The following GABRB1 variants were observed in gnomAD, a reference collection of about 807,000 sequenced individuals.
GABRB1 encodes gamma-aminobutyric acid receptor subunit beta-1.
A neutral mutation model predicts 51.6 loss-of-function variants in GABRB1; 17 were observed. The ratio of observed to expected loss-of-function variants is 0.33; its 90% confidence interval spans 0.23 to 0.49. The LOEUF (loss-of-function observed/expected upper bound fraction) is 0.49, where lower values mean the gene tolerates loss of function less well. Among genes scored for constraint, GABRB1 ranks in the 20% least tolerant of loss-of-function variants. The pLI is 0.99. For missense variants in GABRB1, 410 were observed against 600.6 expected, an observed-to-expected ratio of 0.68 and a Z score of 3.32; for synonymous variants, 247 against 218.9, an observed-to-expected ratio of 1.13 and a Z score of -1.14.
At chr4:47,130,166 C>T (rs761595696) in intron 3 of GABRB1, among the ~76,000 whole-genome samples, 3 of 152,128 alleles carry the variant, frequency 2.0e-5, no homozygotes, top group Non-Finnish European at 4.4e-5. Context: ...AAAATGTAAG[C>T]TTGATCATGT....
intron 3 of GABRB1, chr4:47,032,740 G>T (rs1281141359): frequency 1.5e-6 from 1 of 688,074 alleles, no homozygotes; most frequent in East Asian, 2.9e-5. Context: ...TTGCGCCGTG[G>T]ATCTGCTGGG....
chr4:47,038,098 A>T (rs1725675137), intron 3 of GABRB1, among the ~76,000 whole-genome samples: 1 of 151,976 alleles, frequency 6.6e-6, no homozygotes, highest in Non-Finnish European at 1.5e-5. Flanking sequence ...AAGATTTTAG[A>T]CTCCCTCAAA....
rs1269370220 is a variant in GABRB1 at position 47,019,759 on chromosome 4, C to CTGTA, written c.-19-12154_-19-12151dup. ...ACGGGCTCTCACTTTGTTGCCCAGG[C>CTGTA]TGTAGTGCAGATCTCAGCTCACTGT... On this transcript the variant is annotated intron_variant, in intron 1 of 3. Coordinates refer to the GABRB1 transcript ENST00000513567. 4.0e-5 allele frequency among the ~76,000 whole-genome samples: 6 copies of CTGTA among 149,428 alleles called. No individual in the cohort carries two copies. In the Admixed American group the frequency reaches 4.1e-4, roughly 10 times the overall value.
intron 5 of GABRB1, among the ~76,000 whole-genome samples, chr4:47,350,337 A>T (rs1726281871): frequency 6.7e-6 from 1 of 150,262 alleles, no homozygotes; most frequent in African/African-American, 2.4e-5. Context: ...CAAGTAACTT[A>T]AATTTATGTG....
Position 47,262,282 on chromosome 4 carries a change from G to T in GABRB1, c.462-57845G>T, listed in dbSNP as rs186736106. On this transcript the variant is annotated intron_variant, in intron 4 of 8. Transcript: ENST00000295454. Reference sequence around the variant, plus strand: ...ACCTATAAAATGGGAGAAAATTTTCGCAAACTACACATCTGGCAAAGGGCT... The same window carrying T: ...ACCTATAAAATGGGAGAAAATTTTCTCAAACTACACATCTGGCAAAGGGCT... 1.1e-4 allele frequency among the ~76,000 whole-genome samples: 17 copies of T among 152,138 alleles called. No homozygotes were observed. The East Asian group carries it at 3.3e-3, about 29-fold the overall frequency.
intron 4 of GABRB1, among the ~76,000 whole-genome samples, chr4:47,262,114 AT>A (rs1178202459): frequency 7.9e-5 from 12 of 151,510 alleles, no homozygotes; most frequent in Non-Finnish European, 1.8e-4. Flanking sequence ...AGGCATTACC[AT>A]TCAGGACATA....
intron 4 of GABRB1, among the ~76,000 whole-genome samples, chr4:47,294,536 G>A (rs971263319): frequency 6.6e-6 from 1 of 152,248 alleles, no homozygotes; most frequent in African/African-American, 2.4e-5. Flanking sequence ...ACTGCAAGGT[G>A]GCAGCGAGGC....
chr4:47,394,270 G>A (rs1728105079), intron 5 of GABRB1, among the ~76,000 whole-genome samples: 1 of 152,186 alleles, frequency 6.6e-6, no homozygotes, highest in African/African-American at 2.4e-5. Flanking sequence ...GGCAAATCCA[G>A]ACTTCAATTG....
chr4:47,254,186 T>A (rs1704332663), intron 4 of GABRB1, among the ~76,000 whole-genome samples: 3 of 152,018 alleles, frequency 2.0e-5, no homozygotes, highest in Admixed American at 6.6e-5. Flanking sequence ...CACCAAAGAA[T>A]ATGCTATCAG....
intron 5 of GABRB1, among the ~76,000 whole-genome samples, chr4:47,354,225 C>T (rs190581643): frequency 1.3e-5 from 2 of 152,112 alleles, no homozygotes; most frequent in Non-Finnish European, 2.9e-5. Context: ...CCATTCATGA[C>T]CAGTTGGTGA....
chr4:47,164,519 G>T (rs1290447283), intron 4 of GABRB1, among the ~76,000 whole-genome samples: 2 of 152,056 alleles, frequency 1.3e-5, no homozygotes, highest in Non-Finnish European at 2.9e-5. Context: ...CCAGCTCATA[G>T]TCATCATGAA....
chr4:47,254,015 T>C (rs1722085844), intron 4 of GABRB1, among the ~76,000 whole-genome samples: 1 of 152,172 alleles, frequency 6.6e-6, no homozygotes. Context: ...AAAAAGATTG[T>C]ACTGACAATA....
intron 4 of GABRB1, among the ~76,000 whole-genome samples, chr4:47,309,091 A>G (rs570878666): frequency 1.2e-4 from 18 of 152,272 alleles, no homozygotes; most frequent in Non-Finnish European, 2.1e-4. Context: ...TATAAATTAA[A>G]TGCATACTCT....
At chr4:47,297,544 C>A (rs1429752677) in intron 4 of GABRB1, among the ~76,000 whole-genome samples, 2 of 152,114 alleles carry the variant, frequency 1.3e-5, no homozygotes, top group Non-Finnish European at 2.9e-5. Flanking sequence ...TACACCCTCC[C>A]AAGACTAAAC....
chr4:47,077,658 G>A (rs550442009), intron 3 of GABRB1, among the ~76,000 whole-genome samples: 12 of 151,236 alleles, frequency 7.9e-5, no homozygotes, highest in Middle Eastern at 3.4e-3. Context: ...GTTTGCCTAC[G>A]GAATATCACA....
At chr4:47,122,898 G>A (rs904954896) in intron 3 of GABRB1, among the ~76,000 whole-genome samples, 5 of 152,100 alleles carry the variant, frequency 3.3e-5, no homozygotes, top group African/African-American at 1.2e-4. Context: ...TGAGAAAAAC[G>A]AGCTGACCAG....
intron 4 of GABRB1, among the ~76,000 whole-genome samples, chr4:47,237,826 CA>C (rs1387206328): frequency 2.6e-5 from 4 of 151,350 alleles, no homozygotes; most frequent in Non-Finnish European, 5.9e-5. Context: ...TGTTTGACCT[CA>C]AAAAAACAGG....
chr4:47,140,642 A>G (rs1289564085), intron 3 of GABRB1, among the ~76,000 whole-genome samples: 2 of 151,816 alleles, frequency 1.3e-5, no homozygotes, highest in Non-Finnish European at 2.9e-5. Flanking sequence ...CATATTTCCT[A>G]CTACTTTTTT....
At chr4:47,406,219 G>A (rs559701410) in intron 7 of GABRB1, among the ~76,000 whole-genome samples, 1 of 152,266 alleles carries the variant, frequency 6.6e-6, no homozygotes, top group African/African-American at 2.4e-5. Context: ...TAGATTCATG[G>A]GATGAAGTAG....
Sources: gnomAD v4.1 joint callset for allele counts (sites outside exome capture counted in the v4.1 genomes callset) on GRCh38, gnomAD v4.1.1 for gene constraint, MANE v1.5 for transcripts, NCBI Gene and HGNC (gene_info 2026-07-23, HGNC 2026-07-21) for gene names.